ZFYVE9: variants seen among roughly 807,000 people sequenced by gnomAD.
The protein encoded by ZFYVE9 is zinc finger FYVE-type containing 9.
In ZFYVE9, 43 loss-of-function variants were observed where a neutral mutation model predicts 126.7. The observed-to-expected ratio is 0.34, with a 90% confidence interval of 0.27 to 0.44. ZFYVE9 has a LOEUF of 0.44. Ranked by LOEUF, ZFYVE9 falls within the 20% of genes least tolerant of loss-of-function variation. ZFYVE9 has a pLI of 1.00. For synonymous variants in ZFYVE9, 521 were observed against 597.4 expected (o/e 0.87, Z 1.87); for missense variants, 1,476 against 1,697.0 (o/e 0.87, Z 2.29).
intron 13 of ZFYVE9, among the ~76,000 whole-genome samples, chr1:52,318,320 G>A (rs558275842): frequency 6.6e-6 from 1 of 151,688 alleles, no homozygotes; most frequent in African/African-American, 2.4e-5. Context: ...TACAGCAAAA[G>A]CAGTTGACGA....
chr1:52,245,962 C>CTT (rs1204808297), intron 4 of ZFYVE9, among the ~76,000 whole-genome samples: 1 of 152,206 alleles, frequency 6.6e-6, no homozygotes, highest in Non-Finnish European at 1.5e-5. Context: ...GGGTCTCACT[C>CTT]TGTCGCCCAG....
At chr1:52,151,937 T>C (rs1449416787) in intron 1 of ZFYVE9, among the ~76,000 whole-genome samples, 1 of 152,206 alleles carries the variant, frequency 6.6e-6, no homozygotes, top group Non-Finnish European at 1.5e-5. Flanking sequence ...ACGTTAGTAT[T>C]CTAAAGACTG....
intron 1 of ZFYVE9, among the ~76,000 whole-genome samples, chr1:52,148,681 G>T (rs1236947052): frequency 2.0e-5 from 3 of 149,070 alleles, no homozygotes; most frequent in Non-Finnish European, 3.0e-5. Flanking sequence ...TTGCTCTGTT[G>T]CCCAGGCTGG....
At chr1:52,190,064 C>A in intron 1 of ZFYVE9, 1 of 162,008 alleles carries the variant, frequency 6.2e-6, no homozygotes, top group East Asian at 1.4e-4. Context: ...TTTCGTAAGC[C>A]CAGTATAACA....
chr1:52,161,404 C>T (rs1387401359), intron 1 of ZFYVE9, among the ~76,000 whole-genome samples: 2 of 152,302 alleles, frequency 1.3e-5, no homozygotes, highest in East Asian at 3.9e-4. Context: ...ATTCTCCTGC[C>T]TCAGCCTCCT....
At chr1:52,215,714 G>C (rs911423788) in intron 1 of ZFYVE9, among the ~76,000 whole-genome samples, 1 of 152,098 alleles carries the variant, frequency 6.6e-6, no homozygotes, top group African/African-American at 2.4e-5. Context: ...TTGTCTCTAA[G>C]CAGTTATAGT....
rs368006084 is a variant in ZFYVE9, at chr1:52,238,968, A to C, written c.1551A>C (p.Ser517=). ...EIEESKSECY[S]NIYEQRGNEA... is the part of the protein sequence containing the mutation. ...AGGAAAGCAAGTCAGAATGCTACTC[A>C]AATATTTATGAACAGAGAGGAAATG... The change falls in exon 4 of 19, where the codon TCA becomes TCC. Residue 517 remains serine (S), a synonymous_variant. Coordinates refer to ENST00000287727, the MANE Select transcript of ZFYVE9 (RefSeq NM_004799.4). 6.2e-7 allele frequency: 1 copy of C among 1,614,054 alleles called. No homozygotes were observed. Among genetic ancestry groups the C allele is most frequent in the African/African-American group, 1.3e-5 (1 of 74,950 alleles).
At chr1:52,183,755 C>T (rs1325743669) in intron 1 of ZFYVE9, among the ~76,000 whole-genome samples, 2 of 152,222 alleles carry the variant, frequency 1.3e-5, no homozygotes, top group African/African-American at 4.8e-5. Context: ...ATCCACCCGC[C>T]TCGGCCTCCC....
intron 10 of ZFYVE9, among the ~76,000 whole-genome samples, chr1:52,283,038 C>T (rs1645820049): frequency 6.6e-6 from 1 of 152,118 alleles, no homozygotes; most frequent in Non-Finnish European, 1.5e-5. Flanking sequence ...TGGAAACTGA[C>T]CACATGATAC....
intron 13 of ZFYVE9, among the ~76,000 whole-genome samples, chr1:52,304,813 A>G (rs1472725790): frequency 6.6e-6 from 1 of 151,728 alleles, no homozygotes; most frequent in Non-Finnish European, 1.5e-5. Context: ...TTTTAAGGAT[A>G]TTAGAAAATA....
chr1:52,279,533 T>C (rs181820372), intron 9 of ZFYVE9, among the ~76,000 whole-genome samples: 170 of 152,278 alleles, frequency 1.1e-3, no homozygotes, highest in Admixed American at 1.6e-3. Flanking sequence ...GCATGATCTC[T>C]GTTCATTGCA....
At chr1:52,160,444 C>A in intron 1 of ZFYVE9, 1 of 882,372 alleles carries the variant, frequency 1.1e-6, no homozygotes, top group East Asian at 2.4e-5. Flanking sequence ...CAGTGCCTTT[C>A]TATGTGTGAC....
At chr1:52,219,749 TTGTGTGTGTGTGTGTGTG>T (rs56340178) in intron 2 of ZFYVE9, among the ~76,000 whole-genome samples, 34 of 113,342 alleles carry the variant, frequency 3.0e-4, no homozygotes, top group East Asian at 1.1e-3. Context: ...CCAAGATCTT[TTGTGTGTGTGTGTGTGTG>T]TGTGTGTGTG....
At chr1:52,251,219 A>G (rs911101324) in intron 4 of ZFYVE9, among the ~76,000 whole-genome samples, 2 of 151,964 alleles carry the variant, frequency 1.3e-5, no homozygotes, top group African/African-American at 4.8e-5. Context: ...TTACAGGCAC[A>G]TGCCACCATG....
Position 52,237,830 on chromosome 1 carries a change from AC to A in ZFYVE9, c.415del (p.Leu139TrpfsTer13). On this transcript the variant is annotated frameshift_variant, in exon 4 of 19. Transcript: ENST00000287727. LOFTEE classifies it high-confidence loss of function. Reference protein sequence around the residue: ...AVEVGEKKCGNLACLPDEKNV... With the variant: ...AVEVGEKKCGXLACLPDEKNV... ...GAAGTGGGAGAGAAGAAATGTGGAA[AC>A]CTGGCTTGTCTGCCAGATGAGAAGA... 1 of 1,614,052 alleles carries A rather than the reference AC, an allele frequency of 6.2e-7. No homozygotes were observed. Among genetic ancestry groups the A allele is most frequent in the Non-Finnish European group, 8.5e-7 (1 of 1,179,952 alleles).
At chr1:52,283,117 A>G (rs1217956854) in intron 10 of ZFYVE9, among the ~76,000 whole-genome samples, 1 of 152,178 alleles carries the variant, frequency 6.6e-6, no homozygotes, top group Admixed American at 6.5e-5. Context: ...GAAATCATCC[A>G]GGTCCTCCAG....
chr1:52,218,101 C>T (rs1250004094), intron 2 of ZFYVE9, among the ~76,000 whole-genome samples: 7 of 152,154 alleles, frequency 4.6e-5, no homozygotes, highest in Admixed American at 4.6e-4. Context: ...GACCCTGATG[C>T]TGTCTATGTA....
chr1:52,170,453 A>T (rs1161914460), intron 1 of ZFYVE9, among the ~76,000 whole-genome samples: 1 of 151,902 alleles, frequency 6.6e-6, no homozygotes, highest in Non-Finnish European at 1.5e-5. Flanking sequence ...TTTCAAATTC[A>T]TTTCTTTTTT....
intron 10 of ZFYVE9, among the ~76,000 whole-genome samples, chr1:52,283,738 T>C (rs1645827233): frequency 6.6e-6 from 1 of 151,754 alleles, no homozygotes; most frequent in South Asian, 2.1e-4. Context: ...CTACAGAGAG[T>C]CCCAGAAAAC....
Sources: gnomAD v4.1 joint callset for allele counts (sites outside exome capture counted in the v4.1 genomes callset) on GRCh38, gnomAD v4.1.1 for gene constraint, MANE v1.5 for transcripts, NCBI Gene and HGNC (gene_info 2026-07-23, HGNC 2026-07-21) for gene names.